WSCD1: variants seen among roughly 807,000 people sequenced by gnomAD.
WSCD1 encodes the protein sialate:O-sulfotransferase 1.
In WSCD1, 41 loss-of-function variants were observed where a neutral mutation model predicts 60.4. The observed-to-expected ratio is 0.68, with a 90% CI of 0.53 to 0.88. The LOEUF is 0.88. Ranked by LOEUF, WSCD1 falls within the 40% of genes least tolerant of loss-of-function variation. The pLI, the probability that WSCD1 is intolerant of heterozygous loss-of-function variation, is 0.00. For missense variants in WSCD1, 784 were observed against 796.2 expected, an observed-to-expected ratio of 0.98 and a Z score of 0.18; for synonymous variants, 361 against 332.5, an observed-to-expected ratio of 1.09 and a Z score of -0.93.
At chr17:6,069,731 A>G (rs1908405699), upstream of WSCD1, among the ~76,000 whole-genome samples, 1 of 147,582 alleles carries the variant, frequency 6.8e-6, no homozygotes, top group African/African-American at 2.5e-5. Flanking sequence ...ATGTGTGTGA[A>G]GCTGTGACCG....
intron 7 of WSCD1, among the ~76,000 whole-genome samples, chr17:6,117,713 C>T (rs1433606085): frequency 2.0e-5 from 3 of 152,232 alleles, no homozygotes; most frequent in East Asian, 1.9e-4. Flanking sequence ...CCCTCTGACT[C>T]CTGGAGGTCT....
intron 5 of WSCD1, among the ~76,000 whole-genome samples, chr17:6,100,222 G>C (rs546054721): frequency 6.6e-6 from 1 of 152,314 alleles, no homozygotes; most frequent in Admixed American, 6.5e-5. Flanking sequence ...GGCATGGATG[G>C]GTTTGTGGGT....
intron 5 of WSCD1, among the ~76,000 whole-genome samples, chr17:6,096,790 C>G (rs35073417): frequency 0.27 from 41,426 of 151,948 alleles, 7,063 homozygotes; most frequent in Non-Finnish European, 0.38. Context: ...TCCCTCACAC[C>G]TGCAGCTCAG....
chr17:6,088,572 A>G lies in WSCD1; in HGVS notation c.542+468A>G, dbSNP rs111588935. On this transcript the variant is annotated intron_variant, in intron 3 of 8. Coordinates refer to ENST00000317744, the MANE Select transcript of WSCD1 (RefSeq NM_015253.2). The stretch of plus-strand genomic sequence containing the variant: ...GGAAAAGTATTTTCACCTTGTGTCT[A>G]TAACAAGGTTTACTTTTTCTGATAC... 2.6e-4 allele frequency among the ~76,000 whole-genome samples: 40 copies of G among 152,334 alleles called. 1 individual carries two copies. The highest frequency in any genetic ancestry group is 9.1e-4 in the African/African-American group (38 of 41,570).
intron 6 of WSCD1, 79 bp downstream of exon 6, chr17:6,109,845 C>A: frequency 1.3e-6 from 2 of 1,539,480 alleles, no homozygotes; most frequent in South Asian, 2.5e-5. Flanking sequence ...AGATGCCAGT[C>A]ATGGCCAAGC....
chr17:6,099,980 A>G (rs1910703606), intron 5 of WSCD1, among the ~76,000 whole-genome samples: 1 of 151,998 alleles, frequency 6.6e-6, no homozygotes, highest in African/African-American at 2.4e-5. Context: ...CAGTCATCAG[A>G]GCCATATAGC....
intron 1 of WSCD1, among the ~76,000 whole-genome samples, chr17:6,071,842 T>G (rs1013023424): frequency 6.6e-6 from 1 of 152,190 alleles, no homozygotes; most frequent in African/African-American, 2.4e-5. Context: ...TCTCTCTCAA[T>G]CATGCCCCCA....
At position 6,123,782 on chromosome 17, in the gene WSCD1, T is replaced by C. The variant is rs1904852994; in HGVS notation, c.*3121T>C. 1 of 152,114 alleles carries C rather than the reference T, an allele frequency of 6.6e-6. No individual in the cohort carries two copies. 9.4% of individuals were successfully genotyped at this position (152,114 alleles called of 1,614,324 possible). Reference sequence around the variant, plus strand: ...TTATCACCACTCAATATTGGGTGAGTTGGTCTGAACAAGGTGGGGATAAAG... The same window carrying C: ...TTATCACCACTCAATATTGGGTGAGCTGGTCTGAACAAGGTGGGGATAAAG... On this transcript the variant is annotated 3_prime_UTR_variant, in exon 9 of 9. Coordinates refer to ENST00000317744, the MANE Select transcript of WSCD1 (RefSeq NM_015253.2).
intron 5 of WSCD1, among the ~76,000 whole-genome samples, chr17:6,103,773 G>A (rs1910941019): frequency 6.6e-6 from 1 of 152,136 alleles, no homozygotes; most frequent in African/African-American, 2.4e-5. Context: ...CCCTGCCTCT[G>A]ACCCCATGCA....
rs1448997296 is a variant in WSCD1 at position 6,122,414 on chromosome 17, C to G, written c.*1753C>G. 2 of 152,226 alleles carry G rather than the reference C, an allele frequency of 1.3e-5. No individual in the cohort carries two copies. Among genetic ancestry groups the G allele is most frequent in the Admixed American group, 6.5e-5 (1 of 15,290 alleles). 9.4% of individuals were successfully genotyped at this position (152,226 alleles called of 1,614,324 possible). A position where few individuals can be genotyped will look rare whatever the true frequency, so the allele number is the denominator to read the frequency against. On this transcript the variant is annotated 3_prime_UTR_variant, in exon 9 of 9. Transcript: ENST00000317744. ...CCCATAGCATCAACTCAGTTCAGCT[C>G]AAAGCTAGAAACACCAAGGTCTTTG...
chr17:6,105,807 T>C (rs1011052651), intron 5 of WSCD1, among the ~76,000 whole-genome samples: 1 of 152,228 alleles, frequency 6.6e-6, no homozygotes, highest in Non-Finnish European at 1.5e-5. Flanking sequence ...AGATTTACCA[T>C]GCTGGTGGAT....
intron 1 of WSCD1, among the ~76,000 whole-genome samples, chr17:6,074,696 G>A (rs1188763179): frequency 1.6e-4 from 25 of 152,244 alleles, no homozygotes; most frequent in Admixed American, 1.4e-3. Flanking sequence ...TTTCAGAGCC[G>A]TGAGATGGGG....
chr17:6,095,492 C>T (rs893685872), intron 5 of WSCD1, among the ~76,000 whole-genome samples: 2 of 152,270 alleles, frequency 1.3e-5, no homozygotes, highest in Non-Finnish European at 2.9e-5. Context: ...GATGCGAACT[C>T]TTGCCACAAG....
intron 2 of WSCD1, among the ~76,000 whole-genome samples, chr17:6,084,343 C>T (rs1909482331): frequency 1.3e-5 from 2 of 152,214 alleles, no homozygotes; most frequent in South Asian, 4.1e-4. Flanking sequence ...GCCTGCAATC[C>T]CTGTGGGCCC....
chr17:6,088,165 G>A (rs1909784801), intron 3 of WSCD1, 61 bp downstream of exon 3: 10 of 1,409,946 alleles, frequency 7.1e-6, no homozygotes, highest in Non-Finnish European at 1.0e-5. Flanking sequence ...GACAGTTCCA[G>A]AATGAGGAGG....
rs916299436 is a variant in WSCD1, at chr17:6,120,180, G to A, written c.1376-129G>A. On this transcript the variant is annotated intron_variant, in intron 8 of 8. Transcript: ENST00000317744. ...CAAAGGGTCCTCCTCCATGGGGAAT[G>A]CCAGGTTGACTCTAGGCAGTGGACA... is the stretch of plus-strand genomic sequence containing the variant. 4 of 1,020,176 alleles carry A rather than the reference G, an allele frequency of 3.9e-6. No homozygotes were observed. The East Asian group carries it at 7.2e-5, about 18-fold the overall frequency. The allele number at this position is 1,020,176 out of a possible 1,614,324, so 63.2% of individuals were successfully genotyped here.
At chr17:6,091,531 C>T (rs778100793) in intron 4 of WSCD1, among the ~76,000 whole-genome samples, 1 of 152,144 alleles carries the variant, frequency 6.6e-6, no homozygotes, top group Non-Finnish European at 1.5e-5. Flanking sequence ...GGGCCCAGCT[C>T]AAAGGAGGAA....
At position 6,118,748 on chromosome 17, in the gene WSCD1, A is replaced by G. The variant is rs1327101824; in HGVS notation, c.1375+560A>G. 6.6e-6 allele frequency among the ~76,000 whole-genome samples: 1 copy of G among 152,168 alleles called. No individual in the cohort carries two copies. The highest frequency in any genetic ancestry group is 1.9e-4 in the East Asian group (1 of 5,192). ...TCACAGTGTCTGGTGGGGAAATCAC[A>G]TCAGCCCTACATTCCAGATGAGCCC... is the stretch of plus-strand genomic sequence containing the variant. On this transcript the variant is annotated intron_variant, in intron 8 of 8. Transcript: ENST00000317744. This position sits in a 1 kb window ranked among gnomAD's most constrained non-coding sequence, Gnocchi z 5.8.
upstream of WSCD1, chr17:6,070,316 AC>A (rs1415748126): frequency 6.8e-6 from 1 of 147,894 alleles, no homozygotes; most frequent in Non-Finnish European, 1.5e-5. Context: ...GGAGGTGCGC[AC>A]CGGCGCCTCT....
Sources: gnomAD v4.1 joint callset for allele counts (sites outside exome capture counted in the v4.1 genomes callset) on GRCh38, gnomAD v4.1.1 for gene constraint, Gnocchi (gnomAD v3.1) non-coding constraint, MANE v1.5 for transcripts, NCBI Gene and HGNC (gene_info 2026-07-23, HGNC 2026-07-21) for gene names.